The following ARF1 variants were observed in gnomAD, a reference collection of about 807,000 sequenced individuals.
The protein encoded by ARF1 is ARF GTPase 1.
A neutral mutation model predicts 18.0 loss-of-function variants in ARF1; 1 was observed. That is an observed-to-expected ratio of 0.06 (90% CI 0.02 to 0.26). The LOEUF is 0.26. Among genes scored for constraint, ARF1 ranks in the 10% least tolerant of loss-of-function variants. ARF1 has a pLI of 1.00. For synonymous variants in ARF1, 112 were observed against 96.3 expected (o/e 1.16, Z -0.95); for missense variants, 73 against 247.2 (o/e 0.30, Z 4.73).
intron 1 of ARF1, among the ~76,000 whole-genome samples, chr1:228,094,403 A>T (rs964827514): frequency 6.6e-6 from 1 of 151,938 alleles, no homozygotes; most frequent in African/African-American, 2.4e-5. Context: ...AGTATCCTCC[A>T]CCATATGTTT....
In ARF1 at chr1:228,097,296, T is replaced by C. The variant is rs879062233; in HGVS notation, c.148+34T>C. On this transcript the variant is annotated intron_variant, in intron 2 of 4. Coordinates refer to ENST00000272102, the MANE Select transcript of ARF1 (RefSeq NM_001658.4). This position sits in a 1 kb window ranked among gnomAD's most constrained non-coding sequence, Gnocchi z 8.1. The stretch of plus-strand genomic sequence containing the variant: ...GGGGCCAGCAGGGAGTGGGCTGGGC[T>C]GGGCTGGGCCAAGGTACAAGGCCTC... The C allele has an allele frequency of 6.2e-7, 1 of 1,609,840 alleles. No homozygotes were observed. The highest frequency in any genetic ancestry group is 8.5e-7 in the Non-Finnish European group (1 of 1,177,284).
chr1:228,096,972 C>T lies in ARF1; in HGVS notation c.-37-106C>T, dbSNP rs1390791316. The T allele has an allele frequency of 3.8e-6, 4 of 1,051,078 alleles. No homozygotes were observed. The South Asian group carries it at 5.5e-5, about 14-fold the overall frequency. The allele number at this position is 1,051,078 out of a possible 1,614,324, so 65.1% of individuals were successfully genotyped here. ...GGCTCTTTCCCTGTTTCCCTGCAGG[C>T]TTCCAGGAGGTGGGGTGAGGCAGTG... On this transcript the variant is annotated intron_variant, in intron 1 of 4. Coordinates refer to ENST00000272102, the MANE Select transcript of ARF1 (RefSeq NM_001658.4).
Position 228,097,318 on chromosome 1 carries a change from C to CCT in ARF1, c.149-22_149-21dup. On this transcript the variant is annotated intron_variant, in intron 2 of 4. Transcript: ENST00000272102. The surrounding 1 kb of genome is among the most constrained non-coding windows in gnomAD (Gnocchi z 8.1). ...GGCTGGGCTGGGCCAAGGTACAAGGCCTCACCCTGCATCCCGCACCCAGGC... is the reference window on the plus strand; with the variant it reads ...GGCTGGGCTGGGCCAAGGTACAAGGCCTCTCACCCTGCATCCCGCACCCAGGC... The CCT allele has an allele frequency of 6.2e-7, 1 of 1,612,142 alleles. No individual in the cohort carries two copies.
At chr1:228,087,272 G>C (rs988921514) in intron 1 of ARF1, among the ~76,000 whole-genome samples, 1 of 152,144 alleles carries the variant, frequency 6.6e-6, no homozygotes, top group African/African-American at 2.4e-5. Flanking sequence ...GTATTTTATA[G>C]GTTTGATTTA....
intron 1 of ARF1, among the ~76,000 whole-genome samples, chr1:228,094,671 C>T (rs1571842033): frequency 6.6e-6 from 1 of 152,250 alleles, no homozygotes; most frequent in Middle Eastern, 3.4e-3. Flanking sequence ...GGGCTCGCAT[C>T]CTCTCCCTGG....
In ARF1 at chr1:228,098,518, G is replaced by C. The variant is rs879430273; in HGVS notation, c.*505G>C. On this transcript the variant is annotated 3_prime_UTR_variant, in exon 5 of 5. Coordinates refer to ENST00000272102, the MANE Select transcript of ARF1 (RefSeq NM_001658.4). ...TGCAGTTACGGCCTGGATGCCAGTC[G>C]CCAGCCCAGCTGTTCCCCTCGGGAA... 6.5e-6 allele frequency: 1 copy of C among 153,018 alleles called. No homozygotes were observed. Among genetic ancestry groups the C allele is most frequent in the African/African-American group, 2.4e-5 (1 of 41,468 alleles). The allele number at this position is 153,018 out of a possible 1,614,324, so 9.5% of individuals were successfully genotyped here.
At chr1:228,085,331 C>G (rs892415619) in intron 1 of ARF1, among the ~76,000 whole-genome samples, 2 of 152,252 alleles carry the variant, frequency 1.3e-5, no homozygotes, top group African/African-American at 4.8e-5. Context: ...GCATTTATTG[C>G]CTTACAGCTG....
intron 1 of ARF1, among the ~76,000 whole-genome samples, chr1:228,085,901 A>AAT (rs2032379515): frequency 6.6e-6 from 1 of 152,164 alleles, no homozygotes; most frequent in South Asian, 2.1e-4. Context: ...TCCTGGCTAA[A>AAT]ATACTTGGAA....
chr1:228,089,861 C>T lies in ARF1; in HGVS notation c.-38+7096C>T, dbSNP rs2032520575. Among the ~76,000 whole-genome samples the T allele has an allele frequency of 2.0e-5, 3 of 152,208 alleles. No individual in the cohort carries two copies. The highest frequency in any genetic ancestry group is 1.3e-4 in the Admixed American group (2 of 15,288). ...CAGTGCCTGGCAGTAGCTCAGTGCC[C>T]AGCATGTCTGTGGTGAGTGTGTAGT... On this transcript the variant is annotated intron_variant, in intron 1 of 4. Coordinates refer to ENST00000272102, the MANE Select transcript of ARF1 (RefSeq NM_001658.4). The surrounding 1 kb of genome is among the most constrained non-coding windows in gnomAD (Gnocchi z 4.1).
chr1:228,096,373 C>T (rs1358814449), intron 1 of ARF1: 2 of 151,420 alleles, frequency 1.3e-5, no homozygotes, highest in African/African-American at 2.5e-5. Flanking sequence ...AGTCCCTGTT[C>T]GGGATAAAAT....
Position 228,082,981 on chromosome 1 carries a change from G to C in ARF1, c.-38+216G>C, listed in dbSNP as rs1387036497. 1.3e-5 allele frequency: 2 copies of C among 152,396 alleles called. No homozygotes were observed. Among genetic ancestry groups the C allele is most frequent in the Non-Finnish European group, 2.9e-5 (2 of 68,160 alleles). The allele number at this position is 152,396 out of a possible 1,614,324, so 9.4% of individuals were successfully genotyped here. A position where few individuals can be genotyped will look rare whatever the true frequency, so the allele number is the denominator to read the frequency against. ...GCTGGGCGGACGGGCGGGTCGGTGA[G>C]CTCCTCGCACCCCTCACAGGTTCCC... On this transcript the variant is annotated intron_variant, in intron 1 of 4. Transcript: ENST00000272102. This position sits in a 1 kb window ranked among gnomAD's most constrained non-coding sequence, Gnocchi z 6.1.
chr1:228,083,818 C>G (rs1000928049), intron 1 of ARF1, among the ~76,000 whole-genome samples: 1 of 152,244 alleles, frequency 6.6e-6, no homozygotes, highest in Non-Finnish European at 1.5e-5. Context: ...CTGGCACTCC[C>G]TTTCAGTCCA....
intron 1 of ARF1, among the ~76,000 whole-genome samples, chr1:228,094,043 C>A (rs927100408): frequency 4.0e-5 from 6 of 151,342 alleles, no homozygotes; most frequent in Non-Finnish European, 8.8e-5. Context: ...GCTGCATGAT[C>A]TCCTGGGCAT....
chr1:228,084,339 C>T lies in ARF1; in HGVS notation c.-38+1574C>T, dbSNP rs1233579544. Among the ~76,000 whole-genome samples, 5 of 152,342 alleles carry T rather than the reference C, an allele frequency of 3.3e-5. No individual in the cohort carries two copies. The Middle Eastern group carries it at 0.01, about 311-fold the overall frequency. ...TGTTAGAGTGTGTTGTCCATGTTTT[C>T]ACATGTTGGTAGACTGGAGAATAGC... On this transcript the variant is annotated intron_variant, in intron 1 of 4. Transcript: ENST00000272102.
rs530513739 is a variant in ARF1, at chr1:228,098,344, G to A, written c.*331G>A. 1.9e-5 allele frequency: 4 copies of A among 207,272 alleles called. No individual in the cohort carries two copies. The South Asian group carries it at 5.9e-4, about 30-fold the overall frequency. 12.8% of individuals were successfully genotyped at this position (207,272 alleles called of 1,614,324 possible). Reference sequence around the variant, plus strand: ...CTCCAGGAGTCGCTGTGTTGGGAGAGCCGGCCACGCCCTTGGCTTTAGAGC... The same window carrying A: ...CTCCAGGAGTCGCTGTGTTGGGAGAACCGGCCACGCCCTTGGCTTTAGAGC... On this transcript the variant is annotated 3_prime_UTR_variant, in exon 5 of 5. Transcript: ENST00000272102.
At position 228,088,540 on chromosome 1, in the gene ARF1, A is replaced by G. The variant is rs1042823332; in HGVS notation, c.-38+5775A>G. On this transcript the variant is annotated intron_variant, in intron 1 of 4. Transcript: ENST00000272102. ...AAATATGAAAAAAAAATTTTTGTGCATAGTTTTAACAGGTGTTCTGAAGTT... is the reference window on the plus strand; with the variant it reads ...AAATATGAAAAAAAAATTTTTGTGCGTAGTTTTAACAGGTGTTCTGAAGTT... Among the ~76,000 whole-genome samples the G allele has an allele frequency of 4.7e-4, 72 of 152,274 alleles. 1 individual carries two copies. The highest frequency in any genetic ancestry group is 1.7e-3 in the African/African-American group (71 of 41,554).
rs2032847950 is a variant in ARF1 at position 228,098,713 on chromosome 1, G to C, written c.*700G>C. On this transcript the variant is annotated 3_prime_UTR_variant, in exon 5 of 5. Transcript: ENST00000272102. ...TGGGAGCCCACAGCCACCCCACTAT[G>C]CCGCAGGCCGCCCTACCCACCTTCA... 6.5e-6 allele frequency: 1 copy of C among 152,692 alleles called. No individual in the cohort carries two copies. The highest frequency in any genetic ancestry group is 6.5e-5 in the Admixed American group (1 of 15,288). The allele number at this position is 152,692 out of a possible 1,614,324, so 9.5% of individuals were successfully genotyped here. A position where few individuals can be genotyped will look rare whatever the true frequency, so the allele number is the denominator to read the frequency against.
At chr1:228,092,195 T>A (rs1475596743) in intron 1 of ARF1, among the ~76,000 whole-genome samples, 1 of 152,140 alleles carries the variant, frequency 6.6e-6, no homozygotes, top group Non-Finnish European at 1.5e-5. Flanking sequence ...ACACACATAG[T>A]CCCAACTACT....
rs908319334 is a variant in ARF1, at chr1:228,097,839, T to G, written c.385-13T>G. Reference sequence around the variant, plus strand: ...TGTGGACAGCCCTTCCCACCAACCCTTCCTTCCCCCAGGACCTCCCCAACG... The same window carrying G: ...TGTGGACAGCCCTTCCCACCAACCCGTCCTTCCCCCAGGACCTCCCCAACG... On this transcript the variant is annotated splice_polypyrimidine_tract_variant and intron_variant, in intron 4 of 4. Transcript: ENST00000272102. This position sits in a 1 kb window ranked among gnomAD's most constrained non-coding sequence, Gnocchi z 8.1. 6.2e-7 allele frequency: 1 copy of G among 1,611,282 alleles called. No individual in the cohort carries two copies. Among genetic ancestry groups the G allele is most frequent in the African/African-American group, 1.3e-5 (1 of 74,886 alleles).
Sources: allele counts gnomAD v4.1 joint callset (sites outside exome capture counted in the v4.1 genomes callset), GRCh38; gene constraint gnomAD v4.1.1; non-coding constraint Gnocchi (gnomAD v3.1); transcripts MANE v1.5; gene names NCBI Gene and HGNC (gene_info 2026-07-23, HGNC 2026-07-21).